The following PCDHA4 variants were observed in gnomAD, a reference collection of about 807,000 sequenced individuals.
PCDHA4 encodes the protein protocadherin alpha-4.
A neutral mutation model predicts 61.4 loss-of-function variants in PCDHA4; 49 were observed. That is an observed-to-expected ratio of 0.80 (90% CI 0.63 to 1.01). PCDHA4 has a LOEUF of 1.01. Among genes scored for constraint, PCDHA4 ranks in the 50% least tolerant of loss-of-function variants. The pLI is 0.00. For synonymous variants in PCDHA4, 590 were observed against 550.3 expected (o/e 1.07, Z -1.01); for missense variants, 1,254 against 1,235.8 (o/e 1.01, Z -0.22).
At chr5:140,835,288 T>G in intron 1 of PCDHA4, 1 of 1,612,190 alleles carries the variant, frequency 6.2e-7, no homozygotes, top group Non-Finnish European at 8.5e-7. Context: ...AGTGGGGCAA[T>G]CACAGTGATA....
intron 1 of PCDHA4, among the ~76,000 whole-genome samples, chr5:140,921,524 T>C (rs2080251541): frequency 6.6e-6 from 1 of 152,164 alleles, no homozygotes; most frequent in South Asian, 2.1e-4. Flanking sequence ...GAAATAAAAA[T>C]CTGCTGATAG....
chr5:140,883,003 C>T, intron 1 of PCDHA4: 1 of 1,614,050 alleles, frequency 6.2e-7, no homozygotes, highest in East Asian at 2.2e-5. Flanking sequence ...TTTACCAATC[C>T]GTTTATAAAG....
chr5:140,835,608 C>A (rs1554135105), intron 1 of PCDHA4: 3 of 1,613,898 alleles, frequency 1.9e-6, no homozygotes, highest in South Asian at 2.2e-5. Flanking sequence ...TTCATTGGTG[C>A]TGGACAGCGC....
In PCDHA4 at chr5:140,869,783, G is replaced by A. The variant is rs990827650; in HGVS notation, c.2385+60211G>A. The A allele has an allele frequency of 1.2e-5, 19 of 1,612,688 alleles. No homozygotes were observed. In the African/African-American group the frequency reaches 1.2e-4, roughly 10 times the overall value. ...AAACCAGAGCTTACTGGCACCGTTC[G>A]GCTGTTAGTCCAAGTCTTGGATGTC... On this transcript the variant is annotated intron_variant, in intron 1 of 3. Coordinates refer to ENST00000530339, the MANE Select transcript of PCDHA4 (RefSeq NM_018907.4).
In PCDHA4 at chr5:140,968,789, G is replaced by A. The variant is rs782339889; in HGVS notation, c.2386-10160G>A. 16 of 1,614,060 alleles carry A rather than the reference G, an allele frequency of 9.9e-6. No individual in the cohort carries two copies. In the African/African-American group the frequency reaches 1.7e-4, roughly 18 times the overall value. On this transcript the variant is annotated intron_variant, in intron 1 of 3. Transcript: ENST00000530339. The stretch of plus-strand genomic sequence containing the variant: ...AGAGCCATCACTATCAGCCTCTGTG[G>A]CCATTACAGTAGCTGTGGTGGATAG...
chr5:140,976,888 A>G (rs1050816491), intron 1 of PCDHA4, among the ~76,000 whole-genome samples: 1 of 152,218 alleles, frequency 6.6e-6, no homozygotes, highest in African/African-American at 2.4e-5. Context: ...ATTAGGATAC[A>G]TGCAACAGTA....
intron 1 of PCDHA4, chr5:140,865,230 G>A (rs1393795782): frequency 6.6e-6 from 1 of 152,136 alleles, no homozygotes; most frequent in Non-Finnish European, 1.5e-5. Flanking sequence ...GGATCCCAGA[G>A]AACACGTATT....
chr5:140,969,125 C>T (rs2096298194), intron 1 of PCDHA4: 3 of 1,614,152 alleles, frequency 1.9e-6, no homozygotes, highest in East Asian at 2.2e-5. Flanking sequence ...GAATGGCTCC[C>T]TCACCAAGAC....
intron 1 of PCDHA4, chr5:140,968,130 T>C: frequency 6.2e-7 from 1 of 1,614,114 alleles, no homozygotes; most frequent in Non-Finnish European, 8.5e-7. Flanking sequence ...CTGCGTACAC[T>C]GAAGGTTGAG....
At chr5:140,877,533 G>A (rs1554169813) in intron 1 of PCDHA4, 2 of 1,613,790 alleles carry the variant, frequency 1.2e-6, no homozygotes, top group South Asian at 2.2e-5. Context: ...TGGGCGCTGT[G>A]GATCCCGAAG....
chr5:140,858,117 C>A (rs1191323415), intron 1 of PCDHA4: 1 of 1,597,608 alleles, frequency 6.3e-7, no homozygotes, highest in African/African-American at 1.3e-5. Context: ...CCCGAGGTGG[C>A]CCTGGTGGAT....
intron 1 of PCDHA4, chr5:140,856,501 T>C (rs781967300): frequency 6.3e-7 from 1 of 1,598,302 alleles, no homozygotes; most frequent in Admixed American, 1.7e-5. Flanking sequence ...ACTCTCGATT[T>C]CCACTAGAAG....
intron 1 of PCDHA4, chr5:140,866,026 C>T (rs1273078600): frequency 7.9e-5 from 12 of 151,914 alleles, no homozygotes; most frequent in Admixed American, 4.6e-4. Context: ...TGTAAGAGTT[C>T]GTGATCATCA....
At chr5:140,829,924 G>A (rs141677964) in intron 1 of PCDHA4, 8 of 1,613,896 alleles carry the variant, frequency 5.0e-6, no homozygotes, top group Non-Finnish European at 6.8e-6. Flanking sequence ...CGTATGAGCT[G>A]CAGCCCCCGG....
intron 1 of PCDHA4, chr5:140,870,016 G>T (rs1554163708): frequency 6.2e-7 from 1 of 1,613,566 alleles, no homozygotes; most frequent in African/African-American, 1.3e-5. Flanking sequence ...GAGGGTCAAT[G>T]GAACTTTAGA....
chr5:140,901,301 G>A (rs990062811), intron 1 of PCDHA4, among the ~76,000 whole-genome samples: 11 of 152,112 alleles, frequency 7.2e-5, no homozygotes, highest in Non-Finnish European at 1.5e-4. Flanking sequence ...CTGATGTTCC[G>A]GAGAGTTTCC....
intron 1 of PCDHA4, chr5:140,868,939 G>T (rs2050745278): frequency 1.6e-6 from 2 of 1,242,994 alleles, no homozygotes; most frequent in African/African-American, 1.5e-5. Context: ...AGGTTGGTCT[G>T]AACAGTGAGG....
At chr5:140,835,741 C>A (rs558922738) in intron 1 of PCDHA4, 1 of 1,613,586 alleles carries the variant, frequency 6.2e-7, no homozygotes, top group Admixed American at 1.7e-5. Flanking sequence ...GACAACGCCC[C>A]GGCGTTCGCG....
chr5:140,882,715 A>G (rs143870647), intron 1 of PCDHA4: 102 of 1,614,124 alleles, frequency 6.3e-5, no homozygotes, highest in African/African-American at 1.7e-4. Context: ...GACCTCCGGA[A>G]ACTCGATTTC....
Sources: gnomAD v4.1 joint callset for allele counts (sites outside exome capture counted in the v4.1 genomes callset) on GRCh38, gnomAD v4.1.1 for gene constraint, MANE v1.5 for transcripts, NCBI Gene and HGNC (gene_info 2026-07-23, HGNC 2026-07-21) for gene names.